LPP: variants seen among roughly 807,000 people sequenced by gnomAD.
LPP encodes lipoma-preferred partner.
Under a neutral mutation model 60.4 loss-of-function variants are expected in LPP, and 38 were observed. The ratio of observed to expected loss-of-function variants is 0.63; its 90% CI spans 0.49 to 0.83. LPP has a LOEUF of 0.83. LPP is among the 40% of genes least tolerant of loss of function. The pLI, the probability that LPP is intolerant of heterozygous loss-of-function variation, is 0.00. For synonymous variants in LPP, 328 were observed against 290.8 expected, an observed-to-expected ratio of 1.13 and a Z score of -1.30; for missense variants, 902 against 783.6, an observed-to-expected ratio of 1.15 and a Z score of -1.80.
intron 9 of LPP, among the ~76,000 whole-genome samples, chr3:188,767,329 A>G (rs183264978): frequency 6.6e-6 from 1 of 152,276 alleles, no homozygotes; most frequent in East Asian, 1.9e-4. Context: ...GATAAATGTC[A>G]CAGTTCCCCA....
chr3:188,672,806 A>G (rs1857205589), intron 7 of LPP, among the ~76,000 whole-genome samples: 1 of 152,172 alleles, frequency 6.6e-6, no homozygotes, highest in Non-Finnish European at 1.5e-5. Flanking sequence ...TGCTGCCAAG[A>G]CAATAGTATG....
Position 188,522,675 on chromosome 3 carries a change from G to A in LPP, c.307-1990G>A, listed in dbSNP as rs115825495. ...ATGGTGGCAGATATTATTTAAAAATGGATTTAAAAGGGTAGGGGAATAACA... is the reference window on the plus strand; with the variant it reads ...ATGGTGGCAGATATTATTTAAAAATAGATTTAAAAGGGTAGGGGAATAACA... On this transcript the variant is annotated intron_variant, in intron 5 of 11. Coordinates refer to ENST00000617246, the MANE Select transcript of LPP (RefSeq NM_001375462.1). Among the ~76,000 whole-genome samples the A allele has an allele frequency of 2.5e-3, 376 of 151,388 alleles. 4 individuals are homozygous for A. Among genetic ancestry groups the A allele is most frequent in the African/African-American group, 8.7e-3 (359 of 41,302 alleles).
chr3:188,786,382 C>CAAAAAAAAAAAAA (rs57565042), intron 9 of LPP, among the ~76,000 whole-genome samples: 4 of 76,656 alleles, frequency 5.2e-5, no homozygotes, highest in African/African-American at 1.4e-4. Flanking sequence ...GACTCCGTCT[C>CAAAAAAAAAAAAA]AAAAAAAAAA....
chr3:188,549,748 G>A (rs1012341669), intron 6 of LPP, among the ~76,000 whole-genome samples: 3 of 152,120 alleles, frequency 2.0e-5, no homozygotes, highest in African/African-American at 7.2e-5. Flanking sequence ...CATGGCAATG[G>A]AACTTTTCAT....
intron 6 of LPP, among the ~76,000 whole-genome samples, chr3:188,553,197 C>T (rs1828622289): frequency 6.6e-6 from 1 of 152,118 alleles, no homozygotes; most frequent in African/African-American, 2.4e-5. Context: ...TTTTTTGACT[C>T]AGTATACTTG....
intron 8 of LPP, chr3:188,709,645 C>G (rs1356383659): frequency 6.6e-6 from 1 of 152,338 alleles, no homozygotes; most frequent in Non-Finnish European, 1.5e-5. Flanking sequence ...GTGTGAGCCA[C>G]TGCGCCCGGC....
intron 9 of LPP, 127 bp downstream of exon 9, chr3:188,760,409 G>GTGT (rs1553836224): frequency 1.2e-5 from 7 of 602,710 alleles, no homozygotes; most frequent in East Asian, 5.7e-5. Context: ...GTGTGTGTGG[G>GTGT]GTGTGTGTGT....
chr3:188,553,153 C>A (rs544108040), intron 6 of LPP, among the ~76,000 whole-genome samples: 23 of 152,262 alleles, frequency 1.5e-4, no homozygotes, highest in African/African-American at 5.5e-4. Flanking sequence ...ACCCAACCAT[C>A]CTTCGCATTT....
chr3:188,378,171 G>T (rs1012569510), intron 3 of LPP, among the ~76,000 whole-genome samples: 1 of 152,218 alleles, frequency 6.6e-6, no homozygotes, highest in South Asian at 2.1e-4. Context: ...ACTTGAGGAG[G>T]CAGTCTGCCC....
intron 2 of LPP, among the ~76,000 whole-genome samples, chr3:188,292,188 C>T (rs1746221778): frequency 6.6e-6 from 1 of 152,050 alleles, no homozygotes; most frequent in African/African-American, 2.4e-5. Context: ...TCCTTTTTTG[C>T]ATGAGGTAAT....
intron 6 of LPP, among the ~76,000 whole-genome samples, chr3:188,592,985 C>T (rs1839224413): frequency 6.6e-6 from 1 of 152,064 alleles, no homozygotes; most frequent in Non-Finnish European, 1.5e-5. Flanking sequence ...TCTCCTCTTA[C>T]AATAATAAAA....
intron 9 of LPP, among the ~76,000 whole-genome samples, chr3:188,802,822 T>A (rs958857200): frequency 6.6e-6 from 1 of 151,962 alleles, no homozygotes; most frequent in Non-Finnish European, 1.5e-5. Flanking sequence ...ATATTGCATA[T>A]GGATAAATTT....
Position 188,406,200 on chromosome 3 carries a change from A to G in LPP, c.80A>G (p.His27Arg), listed in dbSNP as rs776027908. The G allele has an allele frequency of 6.2e-7, 1 of 1,614,142 alleles. No individual in the cohort carries two copies. Residue 27 changes from histidine to arginine, a missense_variant, in exon 4 of 12, where the codon CAT (histidine) becomes CGT (arginine). His to Arg is a conservative substitution (Grantham distance 29). Transcript: ENST00000617246. ...GHVPARMETT[H>R]SFGNPSISVS... ...GTGCCTGCACGGATGGAGACCACCCATTCCTTTGGGAACCCCAGCATTTCA... is the reference window on the plus strand; with the variant it reads ...GTGCCTGCACGGATGGAGACCACCCGTTCCTTTGGGAACCCCAGCATTTCA...
chr3:188,672,845 G>A (rs922483668), intron 7 of LPP, among the ~76,000 whole-genome samples: 1 of 152,192 alleles, frequency 6.6e-6, no homozygotes, highest in Non-Finnish European at 1.5e-5. Flanking sequence ...TAAACCCTGG[G>A]AGGAGAGGAA....
At position 188,845,750 on chromosome 3, in the gene LPP, A is replaced by G. The variant is rs557088783; in HGVS notation, c.1411-20450A>G. 2.6e-5 allele frequency among the ~76,000 whole-genome samples: 4 copies of G among 152,324 alleles called. No homozygotes were observed. In the South Asian group the frequency reaches 8.3e-4, roughly 32 times the overall value. On this transcript the variant is annotated intron_variant, in intron 9 of 11. Transcript: ENST00000617246. ...CTCAGGTCTGTTGTTTCTGCCAGAG[A>G]ATGACTCTGTGACCTTGGGACAAGT...
At chr3:188,569,384 T>A (rs1832980795) in intron 6 of LPP, among the ~76,000 whole-genome samples, 1 of 151,722 alleles carries the variant, frequency 6.6e-6, no homozygotes, top group Non-Finnish European at 1.5e-5. Context: ...GGAGGGGCCC[T>A]GGATTGTGAA....
At chr3:188,253,700 C>A (rs1029061964) in intron 2 of LPP, among the ~76,000 whole-genome samples, 48 of 152,294 alleles carry the variant, frequency 3.2e-4, no homozygotes, top group African/African-American at 1.1e-3. Context: ...AAGTCATCCT[C>A]TCTGGTCCAT....
At chr3:188,206,596 A>G (rs968846323) in intron 1 of LPP, among the ~76,000 whole-genome samples, 1 of 152,184 alleles carries the variant, frequency 6.6e-6, no homozygotes, top group Non-Finnish European at 1.5e-5. Flanking sequence ...TTTCAGAGAC[A>G]GTTATTTTTG....
intron 3 of LPP, among the ~76,000 whole-genome samples, chr3:188,401,441 G>T (rs887845932): frequency 6.6e-6 from 1 of 152,094 alleles, no homozygotes; most frequent in Non-Finnish European, 1.5e-5. Flanking sequence ...TATTTACTCA[G>T]CATTCAAAGT....
Sources: gnomAD v4.1 joint callset for allele counts (sites outside exome capture counted in the v4.1 genomes callset) on GRCh38, gnomAD v4.1.1 for gene constraint, MANE v1.5 for transcripts, NCBI Gene and HGNC (gene_info 2026-07-23, HGNC 2026-07-21) for gene names.